Variants in TFEC observed in about 807,000 individuals in gnomAD.
TFEC encodes the protein transcription factor EC, also known as class E basic helix-loop-helix protein 34.
Under a neutral mutation model 41.6 loss-of-function variants are expected in TFEC, and 31 were observed. The ratio of observed to expected loss-of-function variants is 0.74; its 90% confidence interval spans 0.56 to 1.01. The LOEUF (loss-of-function observed/expected upper bound fraction) is 1.01, where lower values mean the gene tolerates loss of function less well. Ranked by LOEUF, TFEC falls within the 50% of genes least tolerant of loss-of-function variation. TFEC has a pLI of 0.00. For missense variants in TFEC, 402 were observed against 404.1 expected, an observed-to-expected ratio of 0.99 and a Z score of 0.04; for synonymous variants, 143 against 140.6, an observed-to-expected ratio of 1.02 and a Z score of -0.12.
intron 1 of TFEC, among the ~76,000 whole-genome samples, chr7:116,150,833 C>A (rs1261998734): frequency 5.9e-5 from 9 of 152,060 alleles, no homozygotes; most frequent in African/African-American, 2.2e-4. Flanking sequence ...GTGAGTGTGA[C>A]TCAAACCCAC....
intron 1 of TFEC, among the ~76,000 whole-genome samples, chr7:116,126,534 T>C (rs1798212279): frequency 2.0e-5 from 3 of 151,296 alleles, no homozygotes; most frequent in Non-Finnish European, 3.0e-5. Flanking sequence ...GCCCAAGAGA[T>C]GAAAAAAGGA....
At chr7:115,991,567 G>A (rs1216079046) in intron 1 of TFEC, among the ~76,000 whole-genome samples, 1 of 152,160 alleles carries the variant, frequency 6.6e-6, no homozygotes, top group Non-Finnish European at 1.5e-5. Context: ...AAAAGGAGGG[G>A]TTGCAATCCT....
At chr7:116,154,453 C>T (rs907123961) in intron 1 of TFEC, among the ~76,000 whole-genome samples, 2 of 152,112 alleles carry the variant, frequency 1.3e-5, no homozygotes, top group East Asian at 1.9e-4. Flanking sequence ...TTCTTGAAAG[C>T]ATGGTAGGAA....
At chr7:116,065,699 C>G (rs1796678801) in intron 3 of TFEC, among the ~76,000 whole-genome samples, 1 of 152,018 alleles carries the variant, frequency 6.6e-6, no homozygotes, top group Non-Finnish European at 1.5e-5. Flanking sequence ...TTCATAAAAG[C>G]CTTGTTGAAC....
intron 3 of TFEC, among the ~76,000 whole-genome samples, chr7:116,038,724 T>C (rs1186672462): frequency 6.6e-6 from 1 of 151,970 alleles, no homozygotes; most frequent in Non-Finnish European, 1.5e-5. Context: ...ATTAGAGAAA[T>C]TACAAGTCTT....
chr7:116,062,358 C>A (rs1218282816), intron 3 of TFEC, among the ~76,000 whole-genome samples: 1 of 146,902 alleles, frequency 6.8e-6, no homozygotes, highest in Non-Finnish European at 1.5e-5. Flanking sequence ...GCTGGGATTA[C>A]AGGCATGAGC....
chr7:116,093,346 G>T (rs943455672), intron 3 of TFEC, among the ~76,000 whole-genome samples: 6 of 152,092 alleles, frequency 3.9e-5, no homozygotes, highest in African/African-American at 1.4e-4. Context: ...GCACACATAT[G>T]AGAAAGAAGG....
intron 3 of TFEC, among the ~76,000 whole-genome samples, chr7:115,962,828 C>T (rs575316922): frequency 5.3e-5 from 8 of 151,918 alleles, no homozygotes; most frequent in East Asian, 3.9e-4. Flanking sequence ...TTAAACTCAA[C>T]AACAAAAACT....
intron 7 of TFEC, 77 bp downstream of exon 7, chr7:115,941,816 T>C (rs1001314631): frequency 6.7e-7 from 1 of 1,487,318 alleles, no homozygotes; most frequent in African/African-American, 1.4e-5. Context: ...AAAAAATAAA[T>C]GAGACCAATG....
intron 1 of TFEC, among the ~76,000 whole-genome samples, chr7:116,136,430 T>C (rs762477636): frequency 2.0e-5 from 3 of 151,990 alleles, no homozygotes; most frequent in Non-Finnish European, 4.4e-5. Flanking sequence ...AGATTTCAGG[T>C]CTAGTTAAGG....
At position 115,937,216 on chromosome 7, in the gene TFEC, T is replaced by C. The variant is rs936551354; in HGVS notation, c.*3335A>G. On this transcript the variant is annotated 3_prime_UTR_variant, in exon 8 of 8. Coordinates refer to ENST00000265440, the MANE Select transcript of TFEC (RefSeq NM_012252.4). ...TCTTACTTTAAAGGAAGTTTTATTA[T>C]AATTGTAATTATGAATTAAATCTTT... The C allele has an allele frequency of 5.9e-5, 9 of 151,716 alleles. No individual in the cohort carries two copies. Among genetic ancestry groups the C allele is most frequent in the African/African-American group, 2.2e-4 (9 of 41,402 alleles). 9.4% of individuals were successfully genotyped at this position (151,716 alleles called of 1,614,324 possible).
At chr7:116,041,624 G>A (rs539148346) in intron 3 of TFEC, among the ~76,000 whole-genome samples, 20 of 152,260 alleles carry the variant, frequency 1.3e-4, no homozygotes, top group African/African-American at 4.6e-4. Flanking sequence ...GTAATGGTGT[G>A]CTCAGAAGTA....
chr7:116,062,560 CATATATATATATATATATATATATAT>C (rs57742551), intron 3 of TFEC, among the ~76,000 whole-genome samples: 16 of 101,686 alleles, frequency 1.6e-4, no homozygotes, highest in African/African-American at 1.1e-4. Context: ...GAGTAGTACT[CATATATATATATATATATATATATAT>C]ATATATATAT....
At chr7:115,995,238 T>A (rs1339935395) in intron 1 of TFEC, among the ~76,000 whole-genome samples, 5 of 151,212 alleles carry the variant, frequency 3.3e-5, no homozygotes, top group Non-Finnish European at 7.4e-5. Context: ...GAGATATACC[T>A]AATGTAAATG....
intron 3 of TFEC, among the ~76,000 whole-genome samples, chr7:116,065,092 C>T (rs144969235): frequency 9.9e-5 from 15 of 152,232 alleles, no homozygotes; most frequent in Non-Finnish European, 2.1e-4. Context: ...CACAGCCAGG[C>T]CACTACTCTT....
At chr7:116,003,250 T>TA (rs1794666733) in intron 1 of TFEC, among the ~76,000 whole-genome samples, 1 of 74,562 alleles carries the variant, frequency 1.3e-5, no homozygotes. Flanking sequence ...AACTTTAAAT[T>TA]TAAAAAAAAA....
intron 1 of TFEC, among the ~76,000 whole-genome samples, chr7:116,136,217 C>T (rs1042400356): frequency 1.8e-4 from 28 of 151,802 alleles, no homozygotes; most frequent in African/African-American, 6.8e-4. Flanking sequence ...ACATTGGTAA[C>T]GAATATGACT....
chr7:116,064,634 A>T (rs1012828468), intron 3 of TFEC, among the ~76,000 whole-genome samples: 1 of 152,120 alleles, frequency 6.6e-6, no homozygotes, highest in Admixed American at 6.6e-5. Context: ...TGATAGGTGC[A>T]GTAAACCACC....
rs1054027230 is a variant in TFEC at position 115,937,229 on chromosome 7, G to T, written c.*3322C>A. ...GAAGTTTTATTATAATTGTAATTAT[G>T]AATTAAATCTTTAAATGAAAAGGGA... On this transcript the variant is annotated 3_prime_UTR_variant, in exon 8 of 8. Transcript: ENST00000265440. 1 of 151,564 alleles carries T rather than the reference G, an allele frequency of 6.6e-6. No homozygotes were observed. The highest frequency in any genetic ancestry group is 2.4e-5 in the African/African-American group (1 of 41,356). The allele number at this position is 151,564 out of a possible 1,614,324, so 9.4% of individuals were successfully genotyped here.
Sources: allele counts gnomAD v4.1 joint callset (sites outside exome capture counted in the v4.1 genomes callset), GRCh38; gene constraint gnomAD v4.1.1; transcripts MANE v1.5; gene names NCBI Gene and HGNC (gene_info 2026-07-23, HGNC 2026-07-21).